SLC17A5: variants seen among roughly 807,000 people sequenced by gnomAD.
SLC17A5 encodes the protein sialin.
In SLC17A5, 47 loss-of-function variants were observed where a neutral mutation model predicts 59.4. That is an observed-to-expected ratio of 0.79 (90% confidence interval 0.63 to 1.01). The LOEUF is 1.01. SLC17A5 is among the 50% of genes least tolerant of loss of function. The probability of loss-of-function intolerance (pLI) is 0.00; values close to 1 mark genes in which losing one functional copy is unlikely to be tolerated. For synonymous variants in SLC17A5, 202 were observed against 210.7 expected, an observed-to-expected ratio of 0.96 and a Z score of 0.36; for missense variants, 522 against 595.5, an observed-to-expected ratio of 0.88 and a Z score of 1.28.
chr6:73,600,350 C>T lies in SLC17A5; in HGVS notation c.1350+1G>A, dbSNP rs1057516951. 6.2e-7 allele frequency: 1 copy of T among 1,610,238 alleles called. No homozygotes were observed. Among genetic ancestry groups the T allele is most frequent in the South Asian group, 1.1e-5 (1 of 91,006 alleles). On this transcript the variant is annotated splice_donor_variant, in intron 10 of 10. Coordinates refer to ENST00000355773, the MANE Select transcript of SLC17A5 (RefSeq NM_012434.5). LOFTEE classifies it high-confidence loss of function. ...AGTTTACAAGTAAATTATCTACTTA[C>T]ATCAGGGGTCAGACTTTTAGCAATG...
chr6:73,601,445 CGT>C (rs1767085781), intron 9 of SLC17A5, among the ~76,000 whole-genome samples: 1 of 107,428 alleles, frequency 9.3e-6, no homozygotes. Context: ...CCAGCCGCCC[CGT>C]CCGGGAGGGA....
At chr6:73,626,566 ATTTATAAAAAAATCCTTCAAGAG>A (rs1215450785) in intron 6 of SLC17A5, among the ~76,000 whole-genome samples, 1 of 152,220 alleles carries the variant, frequency 6.6e-6, no homozygotes, top group Non-Finnish European at 1.5e-5. Flanking sequence ...TCTAGCAGAC[ATTTATAAAAAAATCCTTCAAGAG>A]TTTAAGGTAG....
intron 10 of SLC17A5, 68 bp from the exon 11 acceptor site, chr6:73,595,282 A>T: frequency 6.4e-7 from 1 of 1,558,276 alleles, no homozygotes; most frequent in South Asian, 1.1e-5. Context: ...TTAAAAAGAT[A>T]GTGTCACAAG....
At chr6:73,653,484 G>T (rs1328599053) in intron 1 of SLC17A5, 26 of 984,782 alleles carry the variant, frequency 2.6e-5, no homozygotes, top group Admixed American at 6.2e-5. Flanking sequence ...GCTCAGCGCC[G>T]GCTGCACCGC....
rs538563117 is a variant in SLC17A5, at chr6:73,653,954, C to T, written c.-68G>A. ...GGAGCGCCGGCCCGACAGCCCGAAGCCCCCGGGCCGAGCTGGCTGGACCGG... is the reference window on the plus strand; with the variant it reads ...GGAGCGCCGGCCCGACAGCCCGAAGTCCCCGGGCCGAGCTGGCTGGACCGG... On this transcript the variant is annotated 5_prime_UTR_variant, in exon 1 of 11. Coordinates refer to ENST00000355773, the MANE Select transcript of SLC17A5 (RefSeq NM_012434.5). 337 of 1,402,734 alleles carry T rather than the reference C, an allele frequency of 2.4e-4. 1 individual carries two copies. The African/African-American group carries it at 4.4e-3, about 18-fold the overall frequency. The allele number at this position is 1,402,734 out of a possible 1,614,324, so 86.9% of individuals were successfully genotyped here. A position where few individuals can be genotyped will look rare whatever the true frequency, so the allele number is the denominator to read the frequency against.
At chr6:73,646,749 T>C (rs1769588854) in intron 1 of SLC17A5, among the ~76,000 whole-genome samples, 1 of 152,116 alleles carries the variant, frequency 6.6e-6, no homozygotes, top group Non-Finnish European at 1.5e-5. Flanking sequence ...CATAACTTTC[T>C]GTAACCTCGA....
intron 8 of SLC17A5, among the ~76,000 whole-genome samples, chr6:73,613,739 T>C (rs1466622777): frequency 6.6e-6 from 1 of 152,212 alleles, no homozygotes; most frequent in Admixed American, 6.6e-5. Flanking sequence ...AAATGCATCA[T>C]AGTGTTTTGT....
At chr6:73,619,877 T>G (rs1286352242) in intron 7 of SLC17A5, among the ~76,000 whole-genome samples, 1 of 151,942 alleles carries the variant, frequency 6.6e-6, no homozygotes, top group Non-Finnish European at 1.5e-5. Flanking sequence ...TAAATATACT[T>G]TATAAGTAAA....
rs540435390 is a variant in SLC17A5 at position 73,613,700 on chromosome 6, A to C, written c.1111+1615T>G. ...TTAATCCTCAAAATGTATGATTCAAAAAGAAACATATTGTAAAGAAATGCA... is the reference window on the plus strand; with the variant it reads ...TTAATCCTCAAAATGTATGATTCAACAAGAAACATATTGTAAAGAAATGCA... On this transcript the variant is annotated intron_variant, in intron 8 of 10. Coordinates refer to ENST00000355773, the MANE Select transcript of SLC17A5 (RefSeq NM_012434.5). Among the ~76,000 whole-genome samples the C allele has an allele frequency of 2.0e-5, 3 of 152,376 alleles. No individual in the cohort carries two copies. The South Asian group carries it at 6.2e-4, about 32-fold the overall frequency.
intron 2 of SLC17A5, among the ~76,000 whole-genome samples, chr6:73,643,200 C>T (rs1032502166): frequency 1.3e-5 from 2 of 151,516 alleles, no homozygotes; most frequent in African/African-American, 4.9e-5. Context: ...CTCGCTGTGG[C>T]CCAGGCTGGA....
At chr6:73,619,819 T>C (rs1768053841) in intron 7 of SLC17A5, among the ~76,000 whole-genome samples, 2 of 152,050 alleles carry the variant, frequency 1.3e-5, no homozygotes, top group African/African-American at 4.8e-5. Context: ...CTTCCATATA[T>C]AGTTCTTCCT....
chr6:73,625,455 G>A (rs1408389329), intron 6 of SLC17A5, among the ~76,000 whole-genome samples: 1 of 152,130 alleles, frequency 6.6e-6, no homozygotes, highest in African/African-American at 2.4e-5. Flanking sequence ...CCAAAGTGCT[G>A]GGATTACAAG....
intron 1 of SLC17A5, 51 bp downstream of exon 1, chr6:73,653,742 G>C (rs1419399217): frequency 2.0e-6 from 3 of 1,500,412 alleles, no homozygotes; most frequent in Non-Finnish European, 2.7e-6. Flanking sequence ...AGAGACCGCC[G>C]CCCCCGGTAC....
chr6:73,631,814 T>C (rs1768725255), intron 6 of SLC17A5, among the ~76,000 whole-genome samples: 1 of 151,740 alleles, frequency 6.6e-6, no homozygotes, highest in Non-Finnish European at 1.5e-5. Flanking sequence ...ACAGGAACCA[T>C]GTTTTATTTT....
intron 9 of SLC17A5, among the ~76,000 whole-genome samples, chr6:73,603,417 C>T (rs1767249711): frequency 5.5e-5 from 7 of 127,950 alleles, no homozygotes; most frequent in Admixed American, 5.1e-4. Flanking sequence ...AAAATTGCTG[C>T]CTCTTTTTTT....
intron 6 of SLC17A5, among the ~76,000 whole-genome samples, chr6:73,633,886 A>T (rs529969019): frequency 5.9e-4 from 90 of 151,866 alleles, no homozygotes; most frequent in Admixed American, 1.0e-3. Flanking sequence ...TCTAAAAAAA[A>T]AAATAAATAA....
chr6:73,618,589 C>A, intron 7 of SLC17A5: 1 of 510,080 alleles, frequency 2.0e-6, no homozygotes, highest in Non-Finnish European at 3.7e-6. Flanking sequence ...CAGGAGGAAG[C>A]AGCACTAAGA....
At chr6:73,629,216 T>C (rs1189029155) in intron 6 of SLC17A5, among the ~76,000 whole-genome samples, 3 of 151,846 alleles carry the variant, frequency 2.0e-5, no homozygotes, top group African/African-American at 4.8e-5. Context: ...GGCAAAACCC[T>C]GTCTCTACAA....
chr6:73,609,738 A>C (rs1767562415), intron 9 of SLC17A5, among the ~76,000 whole-genome samples: 1 of 152,238 alleles, frequency 6.6e-6, no homozygotes, highest in Non-Finnish European at 1.5e-5. Flanking sequence ...ATGATAGTTA[A>C]AAGTTTAAAT....
Sources: allele counts gnomAD v4.1 joint callset (sites outside exome capture counted in the v4.1 genomes callset), GRCh38; gene constraint gnomAD v4.1.1; transcripts MANE v1.5; gene names NCBI Gene and HGNC (gene_info 2026-07-23, HGNC 2026-07-21).